Variants in SI observed in about 807,000 individuals in gnomAD.
SI encodes sucrase-isomaltase, also known as sucrase-isomaltase, intestinal.
A neutral mutation model predicts 253.3 loss-of-function variants in SI; 235 were observed. The ratio of observed to expected loss-of-function variants is 0.93; its 90% CI spans 0.83 to 1.03. The LOEUF (loss-of-function observed/expected upper bound fraction) is 1.03, where lower values mean the gene tolerates loss of function less well. Among genes scored for constraint, SI ranks in the 50% least tolerant of loss-of-function variants. The probability of loss-of-function intolerance (pLI) is 0.00; values close to 1 mark genes in which losing one functional copy is unlikely to be tolerated. For synonymous variants in SI, 819 were observed against 712.0 expected, an observed-to-expected ratio of 1.15 and a Z score of -2.39; for missense variants, 2,442 against 2,211.1, an observed-to-expected ratio of 1.10 and a Z score of -2.09.
chr3:165,021,877 C>A (rs1711639790), intron 26 of SI, among the ~76,000 whole-genome samples: 1 of 151,524 alleles, frequency 6.6e-6, no homozygotes, highest in South Asian at 2.1e-4. Context: ...AAACTGCTTT[C>A]CAGAATTTGT....
upstream of SI, among the ~76,000 whole-genome samples, chr3:165,080,099 T>G (rs1328881086): frequency 3.3e-5 from 5 of 152,010 alleles, no homozygotes; most frequent in Admixed American, 6.6e-5. Context: ...CTCTGGCATA[T>G]CCATACAATA....
intron 9 of SI, 53 bp downstream of exon 9, chr3:165,062,318 A>T: frequency 1.2e-6 from 1 of 856,416 alleles, no homozygotes; most frequent in East Asian, 2.5e-5. Flanking sequence ...TGGTCATGTT[A>T]GATGAAATAA....
At chr3:164,999,510 A>G (rs1299275732) in intron 37 of SI, among the ~76,000 whole-genome samples, 4 of 151,646 alleles carry the variant, frequency 2.6e-5, no homozygotes, top group Admixed American at 2.0e-4. Flanking sequence ...TTGAATATGA[A>G]TAAGAGCTAC....
At chr3:165,030,483 G>T (rs1157353312) in intron 25 of SI, among the ~76,000 whole-genome samples, 1 of 150,812 alleles carries the variant, frequency 6.6e-6, no homozygotes, top group Admixed American at 6.7e-5. Context: ...AAAGTTCCTG[G>T]AAAGCAATTT....
chr3:164,997,236 T>A (rs1286741104), intron 38 of SI, among the ~76,000 whole-genome samples: 1 of 151,758 alleles, frequency 6.6e-6, no homozygotes, highest in African/African-American at 2.4e-5. Flanking sequence ...TAAAATACAA[T>A]GAATATGATT....
At chr3:165,053,737 C>T (rs1713549487) in intron 13 of SI, among the ~76,000 whole-genome samples, 1 of 152,088 alleles carries the variant, frequency 6.6e-6, no homozygotes, top group South Asian at 2.1e-4. Context: ...CACAATCAGG[C>T]TCTGTCTCAC....
At chr3:165,072,913 A>C (rs1461427894) in intron 3 of SI, among the ~76,000 whole-genome samples, 1 of 152,106 alleles carries the variant, frequency 6.6e-6, no homozygotes, top group Admixed American at 6.6e-5. Context: ...ATACTAAGTT[A>C]AACTTTTAAA....
At chr3:165,072,907 TAAGTTAAACTTTTAA>T (rs1261929167) in intron 3 of SI, among the ~76,000 whole-genome samples, 28 of 152,276 alleles carry the variant, frequency 1.8e-4, no homozygotes, top group Middle Eastern at 3.4e-3. Flanking sequence ...TGAGATATAC[TAAGTTAAACTTTTAA>T]AACTGTAAGT....
chr3:165,059,803 A>G (rs908686818), intron 10 of SI, 99 bp downstream of exon 10: 2 of 1,203,666 alleles, frequency 1.7e-6, no homozygotes, highest in African/African-American at 1.5e-5. Context: ...TATATGATAT[A>G]ATGTATATAG....
intron 44 of SI, among the ~76,000 whole-genome samples, chr3:164,989,777 G>A (rs1041906438): frequency 6.6e-6 from 1 of 152,098 alleles, no homozygotes; most frequent in Non-Finnish European, 1.5e-5. Context: ...TACAACCCAG[G>A]TATCTCATGG....
intron 22 of SI, among the ~76,000 whole-genome samples, chr3:165,035,799 T>A (rs754808739): frequency 6.6e-6 from 1 of 151,556 alleles, no homozygotes; most frequent in African/African-American, 2.4e-5. Flanking sequence ...AAGTGAATAG[T>A]TAAATACAAA....
chr3:165,043,109 GT>G lies in SI; in HGVS notation c.1953del (p.Gln651HisfsTer39). On this transcript the variant is annotated frameshift_variant, in exon 17 of 48. Transcript: ENST00000264382. LOFTEE classifies it high-confidence loss of function. ...TTEELCRRWM[Q>X]LGAFYPFSRN... ...CTGGAAAATGGATAAAATGCCCCAA[GT>G]TGCATCCATCTTCTGCAAAGTTCTT... is the stretch of plus-strand genomic sequence containing the variant. The G allele has an allele frequency of 6.2e-7, 1 of 1,612,620 alleles. No individual in the cohort carries two copies. The highest frequency in any genetic ancestry group is 8.5e-7 in the Non-Finnish European group (1 of 1,179,134).
chr3:165,087,840 T>C, the SI span, among the ~76,000 whole-genome samples: 1 of 152,148 alleles, frequency 6.6e-6, no homozygotes, highest in Non-Finnish European at 1.5e-5. Flanking sequence ...AACATATTAG[T>C]GATGGCACAT....
Position 165,011,224 on chromosome 3 carries a change from C to A in SI, c.4062+1756G>T, listed in dbSNP as rs533344573. Reference sequence around the variant, plus strand: ...TTATTTATTTGAGATTTTTATTATTCTTCATGTGGGTGTTTCTTGTTATAC... The same window carrying A: ...TTATTTATTTGAGATTTTTATTATTATTCATGTGGGTGTTTCTTGTTATAC... On this transcript the variant is annotated intron_variant, in intron 34 of 47. Coordinates refer to ENST00000264382, the MANE Select transcript of SI (RefSeq NM_001041.4). Among the ~76,000 whole-genome samples, 4 of 151,546 alleles carry A rather than the reference C, an allele frequency of 2.6e-5. No homozygotes were observed. The East Asian group carries it at 7.8e-4, about 29-fold the overall frequency.
chr3:165,014,381 T>C (rs1343176927), intron 33 of SI, among the ~76,000 whole-genome samples: 4 of 152,122 alleles, frequency 2.6e-5, no homozygotes, highest in Non-Finnish European at 5.9e-5. Context: ...CCTGAGTAGC[T>C]GGGACTACAG....
Position 165,019,593 on chromosome 3 carries a change from G to A in SI, c.3423+9C>T. The stretch of plus-strand genomic sequence containing the variant: ...TTGCCTCGTGGAGTGGTCATATGTT[G>A]GTACCTACACCAGGGGGTTGGTCTC... On this transcript the variant is annotated intron_variant, in intron 28 of 47. Coordinates refer to ENST00000264382, the MANE Select transcript of SI (RefSeq NM_001041.4). The A allele has an allele frequency of 6.2e-7, 1 of 1,611,422 alleles. No homozygotes were observed. The highest frequency in any genetic ancestry group is 1.3e-5 in the African/African-American group (1 of 74,880).
chr3:165,034,358 A>G (rs1285986224), intron 22 of SI, among the ~76,000 whole-genome samples: 1 of 152,016 alleles, frequency 6.6e-6, no homozygotes, highest in South Asian at 2.1e-4. Context: ...ATCAGTAGAC[A>G]GTATGTATTT....
At chr3:165,046,726 A>G (rs1422548158) in intron 16 of SI, 115 bp downstream of exon 16, 17 of 866,898 alleles carry the variant, frequency 2.0e-5, no homozygotes, top group East Asian at 5.4e-5. Context: ...AAAATAAAAA[A>G]CTGAATTATT....
chr3:165,056,887 T>A (rs1713718505), intron 12 of SI, among the ~76,000 whole-genome samples: 2 of 152,052 alleles, frequency 1.3e-5, no homozygotes, highest in Admixed American at 6.6e-5. Context: ...AAGCCTAGAC[T>A]GTGAAGACTA....
Sources: allele counts gnomAD v4.1 joint callset (sites outside exome capture counted in the v4.1 genomes callset), GRCh38; gene constraint gnomAD v4.1.1; transcripts MANE v1.5; gene names NCBI Gene and HGNC (gene_info 2026-07-23, HGNC 2026-07-21).